Variants in MDM1 observed in about 807,000 individuals in gnomAD.
The protein encoded by MDM1 is Mdm1 nuclear protein.
In MDM1, 61 loss-of-function variants were observed where a neutral mutation model predicts 89.1. That is an observed-to-expected ratio of 0.68 (90% confidence interval 0.56 to 0.85). The LOEUF (loss-of-function observed/expected upper bound fraction) is 0.85, where lower values mean the gene tolerates loss of function less well. Among genes scored for constraint, MDM1 ranks in the 40% least tolerant of loss-of-function variants. MDM1 has a pLI of 0.00. For missense variants in MDM1, 820 were observed against 846.5 expected, an observed-to-expected ratio of 0.97 and a Z score of 0.39; for synonymous variants, 290 against 294.1, an observed-to-expected ratio of 0.99 and a Z score of 0.14.
At position 68,323,194 on chromosome 12, in the gene MDM1, G is replaced by C. The variant is rs768200618; in HGVS notation, c.680C>G (p.Ser227Ter). The C allele has an allele frequency of 1.2e-6, 2 of 1,607,542 alleles. No individual in the cohort carries two copies. The highest frequency in any genetic ancestry group is 2.7e-5 in the African/African-American group (2 of 74,476). ...TTTGTATTCAGTTTCATGGATGACTGAGTTACCTTTGAATGGTGGAACAAA... is the reference window on the plus strand; with the variant it reads ...TTTGTATTCAGTTTCATGGATGACTCAGTTACCTTTGAATGGTGGAACAAA... Reference protein sequence around the residue: ...SQFVPPFKGNSVIHETEYKRN... With the variant: ...SQFVPPFKGN The change falls in exon 5 of 15, where the codon TCA becomes TGA. Residue 227 changes from serine to a stop codon, truncating the protein, a stop_gained. Coordinates refer to ENST00000682720, the MANE Select transcript of MDM1 (RefSeq NM_001354969.2). LOFTEE classifies it high-confidence loss of function.
chr12:68,324,630 C>T (rs867995025), intron 4 of MDM1, among the ~76,000 whole-genome samples: 1 of 151,926 alleles, frequency 6.6e-6, no homozygotes, highest in African/African-American at 2.4e-5. Context: ...TGAATGTTGA[C>T]GTACAGGAGA....
Position 68,313,524 on chromosome 12 carries a change from C to A in MDM1, c.1668G>T (p.Lys556Asn), listed in dbSNP as rs779795454. 1 of 1,613,998 alleles carries A rather than the reference C, an allele frequency of 6.2e-7. No individual in the cohort carries two copies. Among genetic ancestry groups the A allele is most frequent in the East Asian group, 2.2e-5 (1 of 44,882 alleles). ...TCTGTTCTGGGGCTGGAGGCTTCAT[C>A]TTAGATGGAGACACTAAAACAGCAC... ...VGGAVLVSPS[K>N]MKPPAPEQRK... Residue 556 changes from lysine to asparagine, a missense_variant, in exon 12 of 15, where the codon AAG becomes AAT. By Grantham distance (94) the Lys-to-Asn change is moderately conservative. Coordinates refer to ENST00000682720, the MANE Select transcript of MDM1 (RefSeq NM_001354969.2).
intron 7 of MDM1, among the ~76,000 whole-genome samples, chr12:68,318,488 T>C (rs941853416): frequency 2.0e-5 from 3 of 152,226 alleles, no homozygotes; most frequent in African/African-American, 4.8e-5. Context: ...ACTAAGTGCT[T>C]TAAATTTACT....
chr12:68,325,707 TA>T, intron 3 of MDM1, 132 bp from the exon 4 acceptor site: 1 of 1,353,680 alleles, frequency 7.4e-7, no homozygotes, highest in Non-Finnish European at 9.6e-7. Flanking sequence ...GCAAAATTGT[TA>T]ACTACATGCG....
intron 9 of MDM1, 38 bp from the exon 10 acceptor site, chr12:68,315,303 G>C (rs1388006206): frequency 6.4e-7 from 1 of 1,568,206 alleles, no homozygotes; most frequent in African/African-American, 1.4e-5. Flanking sequence ...AATGTGAATA[G>C]TTTGCACTTT....
chr12:68,317,661 T>C (rs1345572739), intron 7 of MDM1, among the ~76,000 whole-genome samples: 4 of 152,206 alleles, frequency 2.6e-5, no homozygotes, highest in Admixed American at 6.5e-5. Flanking sequence ...AAAAAAGCTA[T>C]GTTCATTTAT....
chr12:68,328,379 ATAAT>A (rs1876316116), intron 2 of MDM1, among the ~76,000 whole-genome samples: 1 of 152,252 alleles, frequency 6.6e-6, no homozygotes, highest in South Asian at 2.1e-4. Context: ...CTCACAGAAA[ATAAT>A]TCTAATTTGG....
Position 68,325,449 on chromosome 12 carries a change from C to A in MDM1, c.625G>T (p.Ala209Ser). The change falls in exon 4 of 15, where the codon GCC becomes TCC. Residue 209 changes from alanine (A) to serine (S), a missense_variant. Coordinates refer to ENST00000682720, the MANE Select transcript of MDM1 (RefSeq NM_001354969.2). ...TSKETAPAFA[A>S]NQVFHNKSQF... ...TACATCCATTAAGCTACCTGATTGGCTGCAAAAGCTGGAGCAGTTTCTTTA... is the reference window on the plus strand; with the variant it reads ...TACATCCATTAAGCTACCTGATTGGATGCAAAAGCTGGAGCAGTTTCTTTA... 1 of 1,570,334 alleles carries A rather than the reference C, an allele frequency of 6.4e-7. No homozygotes were observed.
chr12:68,303,967 C>T (rs1423219556), intron 12 of MDM1, among the ~76,000 whole-genome samples: 1 of 152,220 alleles, frequency 6.6e-6, no homozygotes, highest in South Asian at 2.1e-4. Context: ...GCTGGACACA[C>T]TGGCTCATGC....
intron 12 of MDM1, among the ~76,000 whole-genome samples, chr12:68,305,010 G>C (rs1304743379): frequency 6.6e-6 from 1 of 152,164 alleles, no homozygotes; most frequent in Non-Finnish European, 1.5e-5. Flanking sequence ...CCTTCATCAG[G>C]AATATTGGTC....
At chr12:68,310,715 T>C (rs1474519798) in intron 12 of MDM1, among the ~76,000 whole-genome samples, 2 of 152,232 alleles carry the variant, frequency 1.3e-5, no homozygotes, top group South Asian at 2.1e-4. Context: ...TTCTAAGCAC[T>C]GGGGATTAAG....
intron 7 of MDM1, among the ~76,000 whole-genome samples, chr12:68,320,372 C>T (rs116770230): frequency 1.9e-3 from 289 of 151,580 alleles, no homozygotes; most frequent in African/African-American, 6.8e-3. Flanking sequence ...GTCTTCAGGC[C>T]GTGCTCAAAT....
In MDM1 at chr12:68,332,273, T is replaced by C; in HGVS notation, c.-28A>G. ...CGCCCGGCGCCGGAGCCCCCGCTAC[T>C]CCGACAGTTAACTGGAGAAAAAGCT... On this transcript the variant is annotated 5_prime_UTR_variant, in exon 1 of 15. Transcript: ENST00000682720. The C allele has an allele frequency of 1.9e-6, 3 of 1,581,012 alleles. No homozygotes were observed. Among genetic ancestry groups the C allele is most frequent in the Non-Finnish European group, 2.6e-6 (3 of 1,164,442 alleles).
In MDM1 at chr12:68,332,355, G is replaced by A. The variant is rs911606707; in HGVS notation, c.-110C>T. The stretch of plus-strand genomic sequence containing the variant: ...AGCAAAGCCTCGGCCCGGCGTCCCC[G>A]ACTACGCGCCGGCGCACTCCGCGCT... On this transcript the variant is annotated 5_prime_UTR_variant, in exon 1 of 15. Transcript: ENST00000682720. 9.6e-6 allele frequency: 13 copies of A among 1,347,220 alleles called. No individual in the cohort carries two copies. In the African/African-American group the frequency reaches 1.3e-4, roughly 14 times the overall value. The allele number at this position is 1,347,220 out of a possible 1,614,324, so 83.5% of individuals were successfully genotyped here. A position where few individuals can be genotyped will look rare whatever the true frequency, so the allele number is the denominator to read the frequency against.
intron 12 of MDM1, among the ~76,000 whole-genome samples, chr12:68,310,119 T>C (rs563883692): frequency 6.6e-6 from 1 of 152,312 alleles, no homozygotes; most frequent in East Asian, 1.9e-4. Context: ...TACAGGCATC[T>C]GCCACCACGC....
rs930468143 is a variant in MDM1 at position 68,326,764 on chromosome 12, C to A, written c.391G>T (p.Ala131Ser). 4 of 1,614,092 alleles carry A rather than the reference C, an allele frequency of 2.5e-6. No homozygotes were observed. Among genetic ancestry groups the A allele is most frequent in the Admixed American group, 1.7e-5 (1 of 60,014 alleles). The change falls in exon 3 of 15, where the codon GCT becomes TCT. Residue 131 changes from alanine (A) to serine (S), a missense_variant. By Grantham distance (99) the Ala-to-Ser change is moderately conservative. Coordinates refer to ENST00000682720, the MANE Select transcript of MDM1 (RefSeq NM_001354969.2). ...CCCTCATTATTTTCCACATCTGAAG[C>A]CCCTTCAGCTCTGGAGTCTGCAGAG... ...SHSADSRAEG[A>S]SDVENNEGVT...
At chr12:68,323,645 C>G (rs1875549967) in intron 4 of MDM1, among the ~76,000 whole-genome samples, 1 of 151,956 alleles carries the variant, frequency 6.6e-6, no homozygotes. Flanking sequence ...CTTTTCTTCC[C>G]TTGGCTTATT....
intron 12 of MDM1, 109 bp from the exon 13 acceptor site, chr12:68,302,981 T>G (rs1872423186): frequency 3.7e-4 from 300 of 818,602 alleles, no homozygotes; most frequent in Middle Eastern, 7.5e-4. Context: ...GAAGGAGAAA[T>G]ATGAGAGAAT....
chr12:68,331,336 A>AAACAC (rs1277883901), intron 1 of MDM1, 115 bp from the exon 2 acceptor site: 3 of 711,834 alleles, frequency 4.2e-6, no homozygotes, highest in Non-Finnish European at 7.6e-6. Flanking sequence ...ACTGAAAATT[A>AAACAC]AACACAGACG....
Sources: allele counts gnomAD v4.1 joint callset (sites outside exome capture counted in the v4.1 genomes callset), GRCh38; gene constraint gnomAD v4.1.1; transcripts MANE v1.5; gene names NCBI Gene and HGNC (gene_info 2026-07-23, HGNC 2026-07-21).